CACNA1C: variants seen among roughly 807,000 people sequenced by gnomAD.
CACNA1C encodes voltage-dependent L-type calcium channel subunit alpha-1C.
In CACNA1C, 30 loss-of-function variants were observed where a neutral mutation model predicts 229.0. That is an observed-to-expected ratio of 0.13 (90% CI 0.10 to 0.18). The LOEUF (loss-of-function observed/expected upper bound fraction) is 0.18, where lower values mean the gene tolerates loss of function less well. CACNA1C is among the 10% of genes least tolerant of loss of function. The pLI is 1.00. For missense variants in CACNA1C, 1,658 were observed against 2,845.0 expected, an observed-to-expected ratio of 0.58 and a Z score of 9.49; for synonymous variants, 1,114 against 1,132.5, an observed-to-expected ratio of 0.98 and a Z score of 0.33.
In CACNA1C at chr12:2,654,093, G is replaced by A. The variant is rs887143478; in HGVS notation, c.4140+193G>A. Among the ~76,000 whole-genome samples the A allele has an allele frequency of 2.6e-5, 4 of 152,138 alleles. No homozygotes were observed. Among genetic ancestry groups the A allele is most frequent in the Non-Finnish European group, 5.9e-5 (4 of 68,044 alleles). ...CTTTCCCCAAATGGATCTCCTGTAG[G>A]TAGCAGGAGAATGTCCCGGTACAGA... On this transcript the variant is annotated intron_variant, in intron 33 of 46. Transcript: ENST00000399655. The surrounding 1 kb of genome is among the most constrained non-coding windows in gnomAD (Gnocchi z 4.4).
At chr12:2,503,531 C>T (rs1304070099) in intron 7 of CACNA1C, among the ~76,000 whole-genome samples, 1 of 152,320 alleles carries the variant, frequency 6.6e-6, no homozygotes, top group Non-Finnish European at 1.5e-5. Context: ...GTTTAAGCAT[C>T]TCTTCTTAGG....
At chr12:2,547,462 C>T (rs551195040) in intron 9 of CACNA1C, 3 of 779,698 alleles carry the variant, frequency 3.8e-6, no homozygotes, top group Admixed American at 1.7e-5. Context: ...GGCACTCCGG[C>T]GGGCATGCTT....
In CACNA1C at chr12:2,646,733, C is replaced by A. The variant is rs763677121; in HGVS notation, c.3913-1742C>A. On this transcript the variant is annotated intron_variant, in intron 30 of 46. Transcript: ENST00000399655. The surrounding 1 kb of genome is among the most constrained non-coding windows in gnomAD (Gnocchi z 4.6). ...GTTTAGGTGCTTTGCCAAGAAATTT[C>A]TTCTGTGCATGCCTGTATGAGAGAG... Among the ~76,000 whole-genome samples the A allele has an allele frequency of 7.3e-5, 11 of 151,154 alleles. No individual in the cohort carries two copies. Among genetic ancestry groups the A allele is most frequent in the Non-Finnish European group, 1.6e-4 (11 of 67,886 alleles).
chr12:2,587,072 C>G (rs1338980802), intron 18 of CACNA1C, among the ~76,000 whole-genome samples: 1 of 152,188 alleles, frequency 6.6e-6, no homozygotes, highest in Non-Finnish European at 1.5e-5. Flanking sequence ...TGAATATGGA[C>G]TGGGAACTAA....
chr12:2,630,664 G>C lies in CACNA1C; in HGVS notation c.3829-3633G>C, dbSNP rs1486023224. 6.6e-6 allele frequency among the ~76,000 whole-genome samples: 1 copy of C among 152,126 alleles called. No individual in the cohort carries two copies. The highest frequency in any genetic ancestry group is 2.4e-5 in the African/African-American group (1 of 41,434). ...AGGGTGAAGAGCTGCCTCTTAAAGG[G>C]ACCCTGTTTGTGCCCAGACATGTAC... On this transcript the variant is annotated intron_variant, in intron 29 of 46. Coordinates refer to ENST00000399655, the MANE Select transcript of CACNA1C (RefSeq NM_000719.7). The surrounding 1 kb of genome is among the most constrained non-coding windows in gnomAD (Gnocchi z 5.4).
At chr12:2,520,847 C>T (rs1180884889) in intron 9 of CACNA1C, among the ~76,000 whole-genome samples, 1 of 152,048 alleles carries the variant, frequency 6.6e-6, no homozygotes, top group Non-Finnish European at 1.5e-5. Flanking sequence ...GAAGCCATGA[C>T]AGTCTTCTCA....
At chr12:2,036,956 C>A (rs901680092) in intron 1 of CACNA1C, among the ~76,000 whole-genome samples, 1 of 152,266 alleles carries the variant, frequency 6.6e-6, no homozygotes, top group Middle Eastern at 3.4e-3. Flanking sequence ...AACAAAGGCT[C>A]CACACCAGCG....
chr12:2,655,297 T>C, intron 34 of CACNA1C, 59 bp downstream of exon 34: 1 of 1,038,774 alleles, frequency 9.6e-7, no homozygotes, highest in Non-Finnish European at 1.5e-6. Flanking sequence ...TGCCACACTG[T>C]GGCCTGGTGG....
At chr12:2,502,371 C>G (rs566954618) in intron 7 of CACNA1C, among the ~76,000 whole-genome samples, 2 of 152,342 alleles carry the variant, frequency 1.3e-5, no homozygotes, top group South Asian at 4.1e-4. Context: ...TCGGGGAGCT[C>G]ACATTCTAGC....
intron 11 of CACNA1C, among the ~76,000 whole-genome samples, chr12:2,560,918 T>C (rs940321145): frequency 2.7e-5 from 4 of 150,060 alleles, no homozygotes; most frequent in Admixed American, 6.6e-5. Context: ...GGGCCCATCA[T>C]TTTGATGTTG....
At chr12:2,549,842 C>A in intron 9 of CACNA1C, 101 bp from the exon 10 acceptor site, 1 of 817,130 alleles carries the variant, frequency 1.2e-6, no homozygotes, top group Non-Finnish European at 2.1e-6. Flanking sequence ...TCTGCCAACC[C>A]GCACTGGGTC....
Position 2,488,869 on chromosome 12 carries a change from T to C in CACNA1C, c.916+2607T>C, listed in dbSNP as rs1329655559. On this transcript the variant is annotated intron_variant, in intron 6 of 46. Coordinates refer to ENST00000399655, the MANE Select transcript of CACNA1C (RefSeq NM_000719.7). The surrounding 1 kb of genome is among the most constrained non-coding windows in gnomAD (Gnocchi z 4.0). ...TCCCTTCGTTCCCAAACCTGCCGTC[T>C]GATCACAAGCCAGGACCCACTCTGT... Among the ~76,000 whole-genome samples, 1 of 152,224 alleles carries C rather than the reference T, an allele frequency of 6.6e-6. No homozygotes were observed. Among genetic ancestry groups the C allele is most frequent in the Admixed American group, 6.5e-5 (1 of 15,288 alleles).
intron 3 of CACNA1C, among the ~76,000 whole-genome samples, chr12:2,364,011 C>T (rs920895259): frequency 6.6e-6 from 1 of 152,122 alleles, no homozygotes; most frequent in African/African-American, 2.4e-5. Context: ...GCTTTGAGTG[C>T]CAGTTTAGCA....
At chr12:2,166,284 T>C (rs2096225284) in intron 3 of CACNA1C, among the ~76,000 whole-genome samples, 1 of 152,276 alleles carries the variant, frequency 6.6e-6, no homozygotes, top group East Asian at 1.9e-4. Flanking sequence ...CTACCATCAG[T>C]AGTCATTCTT....
intron 3 of CACNA1C, among the ~76,000 whole-genome samples, chr12:2,439,950 A>ACCC (rs1271414671): frequency 1.6e-4 from 25 of 151,822 alleles, no homozygotes; most frequent in African/African-American, 6.0e-4. Context: ...GCTGCAGAAG[A>ACCC]CCCCCGGCAG....
chr12:2,578,505 C>T (rs778323785), intron 13 of CACNA1C, among the ~76,000 whole-genome samples: 4 of 152,132 alleles, frequency 2.6e-5, no homozygotes, highest in Admixed American at 6.5e-5. Context: ...TAGCAACACC[C>T]GCTGCTGCTG....
At chr12:2,118,143 A>G (rs1265722791) in intron 2 of CACNA1C, among the ~76,000 whole-genome samples, 3 of 152,140 alleles carry the variant, frequency 2.0e-5, no homozygotes, top group Admixed American at 2.0e-4. Context: ...GAAGTGAAGG[A>G]TGGATAGGTG....
chr12:2,174,104 C>T (rs1425169999), intron 3 of CACNA1C, among the ~76,000 whole-genome samples: 1 of 151,960 alleles, frequency 6.6e-6, no homozygotes, highest in Non-Finnish European at 1.5e-5. Flanking sequence ...GAAGGAGCTG[C>T]CCAAGGGGAA....
intron 1 of CACNA1C, among the ~76,000 whole-genome samples, chr12:2,101,036 G>A (rs1432401660): frequency 6.7e-6 from 1 of 150,208 alleles, no homozygotes; most frequent in African/African-American, 2.4e-5. Context: ...AAAAAAAATT[G>A]TGGTCCCATT....
Sources: gnomAD v4.1 joint callset for allele counts (sites outside exome capture counted in the v4.1 genomes callset) on GRCh38, gnomAD v4.1.1 for gene constraint, Gnocchi (gnomAD v3.1) non-coding constraint, MANE v1.5 for transcripts, NCBI Gene and HGNC (gene_info 2026-07-23, HGNC 2026-07-21) for gene names.